Variants in WDR75 observed in about 807,000 individuals in gnomAD.
WDR75 encodes WD repeat-containing protein 75.
A neutral mutation model predicts 106.1 loss-of-function variants in WDR75; 52 were observed. The ratio of observed to expected loss-of-function variants is 0.49; its 90% CI spans 0.39 to 0.62. The LOEUF (loss-of-function observed/expected upper bound fraction) is 0.62, where lower values mean the gene tolerates loss of function less well. Ranked by LOEUF, WDR75 falls within the 20% of genes least tolerant of loss-of-function variation. The pLI is 0.00. For missense variants in WDR75, 905 were observed against 970.3 expected, an observed-to-expected ratio of 0.93 and a Z score of 0.89; for synonymous variants, 333 against 335.5, an observed-to-expected ratio of 0.99 and a Z score of 0.08.
chr2:189,457,305 T>A lies in WDR75; in HGVS notation c.499-6T>A, dbSNP rs1309758252. The A allele has an allele frequency of 1.9e-6, 3 of 1,578,504 alleles. No homozygotes were observed. Among genetic ancestry groups the A allele is most frequent in the Non-Finnish European group, 2.6e-6 (3 of 1,156,474 alleles). ...GTGAATGTTTATCTTCTTTTTGAAA[T>A]ACTAGGGAGTATATGTTGCTGCAGT... On this transcript the variant is annotated splice_region_variant and splice_polypyrimidine_tract_variant and intron_variant, in intron 5 of 20. Coordinates refer to ENST00000314761, the MANE Select transcript of WDR75 (RefSeq NM_032168.3).
At chr2:189,474,163 C>A in intron 18 of WDR75, 23 bp from the exon 19 acceptor site, 3 of 1,592,102 alleles carry the variant, frequency 1.9e-6, no homozygotes, top group Non-Finnish European at 2.6e-6. Flanking sequence ...GAAATAATTT[C>A]TCTTTGTCTT....
Position 189,468,576 on chromosome 2 carries a change from T to A in WDR75, c.1723+7T>A. 1 of 1,612,758 alleles carries A rather than the reference T, an allele frequency of 6.2e-7. No homozygotes were observed. The highest frequency in any genetic ancestry group is 8.5e-7 in the Non-Finnish European group (1 of 1,178,978). On this transcript the variant is annotated splice_region_variant and intron_variant, in intron 15 of 20. Transcript: ENST00000314761. ...AATCTGCTGAGCTGTGCATGTAAGA[T>A]ATTTTTTACTCTAAAGTGATCTGGC...
At chr2:189,450,397 C>T in intron 2 of WDR75, 2 of 964,576 alleles carry the variant, frequency 2.1e-6, no homozygotes, top group Non-Finnish European at 2.5e-6. Flanking sequence ...CTCACTCTGT[C>T]TCCCAGGCTG....
chr2:189,442,455 T>C (rs1311612815), intron 1 of WDR75, among the ~76,000 whole-genome samples: 1 of 139,162 alleles, frequency 7.2e-6, no homozygotes, highest in Admixed American at 7.2e-5. Context: ...TTTTTTTTTT[T>C]TTTTTTTTTT....
At chr2:189,450,720 T>A in intron 2 of WDR75, 183 bp from the exon 3 acceptor site, 1 of 1,403,446 alleles carries the variant, frequency 7.1e-7, no homozygotes, top group Non-Finnish European at 9.2e-7. Context: ...ATGGATCTGC[T>A]TCTTGCAGAA....
intron 2 of WDR75, among the ~76,000 whole-genome samples, chr2:189,449,069 T>A (rs916616889): frequency 6.6e-6 from 1 of 152,186 alleles, no homozygotes; most frequent in African/African-American, 2.4e-5. Flanking sequence ...GGAATTTAAT[T>A]TAGTCCAGAT....
intron 6 of WDR75, among the ~76,000 whole-genome samples, 142 bp from the exon 7 acceptor site, chr2:189,458,594 CAAAATTTTCTTTTTAAA>C (rs1686792127): frequency 1.3e-5 from 2 of 152,002 alleles, no homozygotes; most frequent in Non-Finnish European, 2.9e-5. Context: ...GATTCTTGAT[CAAAATTTTCTTTTTAAA>C]AAAAATCCTG....
intron 2 of WDR75, chr2:189,450,650 CCCTCTT>C (rs72128461): frequency 0.041 from 53,478 of 1,292,100 alleles, 1,498 homozygotes; most frequent in African/African-American, 0.14. Context: ...CTTACCATCT[CCCTCTT>C]CAAGACAGAA....
rs182889021 is a variant in WDR75, at chr2:189,475,328, G to A, written c.2404G>A (p.Glu802Lys). ...VQDTSNTGLG[E>K]DIIHQLSKSE... The stretch of plus-strand genomic sequence containing the variant: ...GGATACAAGTAACACAGGTTTAGGA[G>A]AAGACATTATACATCAGTTGTCAAA... Residue 802 changes from glutamate to lysine, a missense_variant, in exon 21 of 21, where the codon GAA (glutamate) becomes AAA (lysine). Transcript: ENST00000314761. 2 of 1,612,592 alleles carry A rather than the reference G, an allele frequency of 1.2e-6. No homozygotes were observed. Among genetic ancestry groups the A allele is most frequent in the African/African-American group, 2.7e-5 (2 of 74,992 alleles).
At chr2:189,454,785 A>G (rs529615087) in intron 4 of WDR75, among the ~76,000 whole-genome samples, 1 of 152,142 alleles carries the variant, frequency 6.6e-6, no homozygotes, top group Admixed American at 6.5e-5. Flanking sequence ...GGCCTCCCAG[A>G]TTTGTATTTC....
intron 9 of WDR75, among the ~76,000 whole-genome samples, chr2:189,463,443 G>C (rs572934907): frequency 6.6e-6 from 1 of 152,116 alleles, no homozygotes; most frequent in South Asian, 2.1e-4. Flanking sequence ...CCTTCACCTT[G>C]AAGCTCTAAC....
At chr2:189,470,957 A>G (rs1322636886) in intron 18 of WDR75, 79 bp downstream of exon 18, 15 of 1,108,562 alleles carry the variant, frequency 1.4e-5, no homozygotes, top group Non-Finnish European at 1.9e-5. Context: ...AACTATGAAA[A>G]AAATATTTCA....
chr2:189,467,879 C>G (rs1687034697), intron 14 of WDR75, among the ~76,000 whole-genome samples: 2 of 152,150 alleles, frequency 1.3e-5, no homozygotes, highest in African/African-American at 2.4e-5. Context: ...CTTTGGAATA[C>G]TTTCATGGAT....
chr2:189,462,581 T>C lies in WDR75; in HGVS notation c.876T>C (p.Thr292=). The part of the protein sequence containing the change: ...NKEFLPRLGA[T]IEHISVSPAG... ...AGTTTCTCCCGCGTTTAGGAGCTAC[T>C]ATTGAACATATCTCAGTCTCGCCTG... Residue 292 remains threonine (T), a synonymous_variant, in exon 9 of 21, where the codon ACT becomes ACC. Transcript: ENST00000314761. The C allele has an allele frequency of 6.2e-7, 1 of 1,614,110 alleles. No individual in the cohort carries two copies. The highest frequency in any genetic ancestry group is 2.2e-5 in the East Asian group (1 of 44,870).
At chr2:189,451,710 A>G in intron 3 of WDR75, 95 bp from the exon 4 acceptor site, 1 of 1,045,304 alleles carries the variant, frequency 9.6e-7, no homozygotes, top group Non-Finnish European at 1.4e-6. Flanking sequence ...GGAATACAGC[A>G]ATGAGCAAAA....
chr2:189,467,667 A>G lies in WDR75; in HGVS notation c.1628+19A>G, dbSNP rs200878786. The G allele has an allele frequency of 4.6e-5, 72 of 1,577,350 alleles. No individual in the cohort carries two copies. Among genetic ancestry groups the G allele is most frequent in the Non-Finnish European group, 2.2e-5 (25 of 1,162,228 alleles). Reference sequence around the variant, plus strand: ...AAATAAGGTAGGTAAATCTTCGGGAAGTATGTAGTACTATTTTTTAACTTA... The same window carrying G: ...AAATAAGGTAGGTAAATCTTCGGGAGGTATGTAGTACTATTTTTTAACTTA... On this transcript the variant is annotated intron_variant, in intron 14 of 20. Transcript: ENST00000314761.
chr2:189,474,328 G>A lies in WDR75; in HGVS notation c.2192G>A (p.Ser731Asn), dbSNP rs1275966888. The A allele has an allele frequency of 1.9e-6, 3 of 1,607,218 alleles. No individual in the cohort carries two copies. The highest frequency in any genetic ancestry group is 1.3e-5 in the African/African-American group (1 of 74,482). Residue 731 changes from serine (S) to asparagine (N), a missense_variant, in exon 19 of 21, where the codon AGT becomes AAT. Physicochemically the swap from Ser to Asn is conservative, Grantham distance 46. Coordinates refer to ENST00000314761, the MANE Select transcript of WDR75 (RefSeq NM_032168.3). ...TTAACAGAAAACATACCCGCAATTA[G>A]TGAGGTAAGTAATTATGAAAACCAT... Reference protein sequence around the residue: ...LPLTENIPAISELLHTPAHVL... With the variant: ...LPLTENIPAINELLHTPAHVL...
intron 1 of WDR75, among the ~76,000 whole-genome samples, chr2:189,444,287 A>G (rs1238560629): frequency 6.6e-6 from 1 of 152,212 alleles, no homozygotes; most frequent in Non-Finnish European, 1.5e-5. Flanking sequence ...AAAATCATAA[A>G]AAGACAGACT....
chr2:189,464,073 TGAACATAGTA>T, intron 11 of WDR75, 112 bp downstream of exon 11: 1 of 862,314 alleles, frequency 1.2e-6, no homozygotes. Context: ...TATGTTTACT[TGAACATAGTA>T]TTATCCGTGG....
Sources: allele counts gnomAD v4.1 joint callset (sites outside exome capture counted in the v4.1 genomes callset), GRCh38; gene constraint gnomAD v4.1.1; transcripts MANE v1.5; gene names NCBI Gene and HGNC (gene_info 2026-07-23, HGNC 2026-07-21).